Variants in RALGDS observed in about 807,000 individuals in gnomAD.
The protein encoded by RALGDS is ral guanine nucleotide dissociation stimulator.
RALGDS carries 44 observed loss-of-function variants against 99.8 expected under a neutral mutation model. That is an observed-to-expected ratio of 0.44 (90% CI 0.35 to 0.57). RALGDS has a LOEUF of 0.57. RALGDS is among the 20% of genes least tolerant of loss of function. The probability of loss-of-function intolerance (pLI) is 0.01; values close to 1 mark genes in which losing one functional copy is unlikely to be tolerated. For synonymous variants in RALGDS, 529 were observed against 505.0 expected, an observed-to-expected ratio of 1.05 and a Z score of -0.64; for missense variants, 1,022 against 1,203.1, an observed-to-expected ratio of 0.85 and a Z score of 2.23.
rs372179281 is a variant in RALGDS, at chr9:133,103,837, T to A, written c.1672-4A>T. 22 of 1,612,690 alleles carry A rather than the reference T, an allele frequency of 1.4e-5. No individual in the cohort carries two copies. The highest frequency in any genetic ancestry group is 1.6e-4 in the Middle Eastern group (1 of 6,062). ...GAACGGTGCCCTGGATGATGCCCTG[T>A]GACATTGGGGTAGGAGGATGAGCAA... On this transcript the variant is annotated splice_region_variant and splice_polypyrimidine_tract_variant and intron_variant, in intron 10 of 17. Coordinates refer to ENST00000372050, the MANE Select transcript of RALGDS (RefSeq NM_006266.4).
upstream of RALGDS, among the ~76,000 whole-genome samples, chr9:133,124,105 CACAG>C (rs1393445947): frequency 2.4e-5 from 3 of 125,224 alleles, no homozygotes; most frequent in African/African-American, 9.1e-5. Flanking sequence ...GAGATGCACA[CACAG>C]ACACACACAT....
rs952211549 is a variant in RALGDS at position 133,110,442 on chromosome 9, C to T, written c.342G>A (p.Arg114=). ...TCTCCAGCGTGCCAGCCTTCACGGT[C>T]CGCACCTTGCAAGTCTCATAAAGGT... ...ALNLYETCKV[R]TVKAGTLEKL... is the part of the protein sequence containing the mutation. The change falls in exon 3 of 18, where the codon CGG becomes CGA. Residue 114 remains arginine (R), a synonymous_variant. Transcript: ENST00000372050. 1 of 1,613,408 alleles carries T rather than the reference C, an allele frequency of 6.2e-7. No homozygotes were observed. Among genetic ancestry groups the T allele is most frequent in the Admixed American group, 1.7e-5 (1 of 59,998 alleles).
At chr9:133,109,871 T>C in intron 3 of RALGDS, 150 bp from the exon 4 acceptor site, 1 of 702,560 alleles carries the variant, frequency 1.4e-6, no homozygotes. Context: ...TATATATTTG[T>C]TCAATGAATA....
chr9:133,118,212 G>A (rs573918500), intron 1 of RALGDS, among the ~76,000 whole-genome samples: 8 of 152,356 alleles, frequency 5.3e-5, no homozygotes, highest in African/African-American at 1.9e-4. Context: ...CATGCATGCA[G>A]GGACACACAC....
In RALGDS at chr9:133,097,975, A is replaced by AG. The variant is rs1182040516; in HGVS notation, c.*611dup. On this transcript the variant is annotated 3_prime_UTR_variant, in exon 18 of 18. Transcript: ENST00000372050. ...ATGAGATTCAACATCGATGGGACTC[A>AG]GCTGGGACTGTCCTCACTCACCGGG... The AG allele has an allele frequency of 4.1e-6, 1 of 241,106 alleles. No homozygotes were observed. Among genetic ancestry groups the AG allele is most frequent in the Non-Finnish European group, 8.1e-6 (1 of 122,734 alleles). 14.9% of individuals were successfully genotyped at this position (241,106 alleles called of 1,614,324 possible).
chr9:133,106,522 C>G, intron 8 of RALGDS, 123 bp downstream of exon 8: 1 of 725,658 alleles, frequency 1.4e-6, no homozygotes, highest in Admixed American at 2.1e-5. Flanking sequence ...CTGCTGCCAA[C>G]TCAGGTCAGT....
At chr9:133,119,527 C>G (rs1439769513) in intron 1 of RALGDS, among the ~76,000 whole-genome samples, 1 of 152,180 alleles carries the variant, frequency 6.6e-6, no homozygotes, top group Non-Finnish European at 1.5e-5. Context: ...GGGCTCAGCT[C>G]TGCCTCTCCC....
chr9:133,142,529 G>A (rs1414099003), intron 1 of RALGDS, among the ~76,000 whole-genome samples: 2 of 152,072 alleles, frequency 1.3e-5, no homozygotes, highest in Non-Finnish European at 2.9e-5. Flanking sequence ...ATTCTTAGGG[G>A]GATGCCACAA....
rs1268122941 is a variant in RALGDS, at chr9:133,097,847, T to C, written c.*740A>G. ...TTCTTTTTGCTTTTTATACAAATAT[T>C]CAATCACCCCACCCCCACCCCAAAT... On this transcript the variant is annotated 3_prime_UTR_variant, in exon 18 of 18. Coordinates refer to ENST00000372050, the MANE Select transcript of RALGDS (RefSeq NM_006266.4). 4.4e-6 allele frequency: 1 copy of C among 228,828 alleles called. No individual in the cohort carries two copies. The highest frequency in any genetic ancestry group is 8.7e-6 in the Non-Finnish European group (1 of 115,184). 14.2% of individuals were successfully genotyped at this position (228,828 alleles called of 1,614,324 possible).
chr9:133,103,965 AC>A (rs1830890246), intron 10 of RALGDS, 132 bp from the exon 11 acceptor site: 20 of 904,134 alleles, frequency 2.2e-5, no homozygotes, highest in Middle Eastern at 2.7e-4. Flanking sequence ...GTCTCCCTGG[AC>A]CCCAGACTCC....
chr9:133,137,380 T>A (rs530829870), intron 1 of RALGDS, among the ~76,000 whole-genome samples: 30 of 152,332 alleles, frequency 2.0e-4, no homozygotes, highest in African/African-American at 7.0e-4. Flanking sequence ...TCTCCATAAA[T>A]GCCTAGATGA....
chr9:133,115,413 G>A (rs1049259794), intron 1 of RALGDS, among the ~76,000 whole-genome samples: 4 of 152,162 alleles, frequency 2.6e-5, no homozygotes, highest in African/African-American at 9.7e-5. Context: ...CAGAGCCTCC[G>A]TGTGCGTGAG....
In RALGDS at chr9:133,106,676, G is replaced by A. The variant is rs939829710; in HGVS notation, c.1486C>T (p.Arg496Cys). ...ACGTCTTCCCACGTCTTCTTCAGAC[G>A]GTGGATGGAGTTGCTCTGCAGGGCA... ...LSALQSNSIH[R>C]LKKTWEDVSR... The change falls in exon 8 of 18, where the codon CGT becomes TGT. Residue 496 changes from arginine to cysteine, a missense_variant. This residue lies in a region of RALGDS where 825 missense variants were observed against 994.5 expected (regional missense o/e 0.83). Coordinates refer to ENST00000372050, the MANE Select transcript of RALGDS (RefSeq NM_006266.4). 1.2e-5 allele frequency: 20 copies of A among 1,612,024 alleles called. No homozygotes were observed. The highest frequency in any genetic ancestry group is 1.5e-5 in the Non-Finnish European group (18 of 1,179,202).
upstream of RALGDS, among the ~76,000 whole-genome samples, chr9:133,131,327 G>A (rs992136642): frequency 6.6e-6 from 1 of 151,872 alleles, no homozygotes; most frequent in African/African-American, 2.4e-5. Context: ...AATGGAGCTA[G>A]AGGGTTTCAG....
At chr9:133,109,146 C>T (rs899940115) in intron 4 of RALGDS, among the ~76,000 whole-genome samples, 18 of 152,212 alleles carry the variant, frequency 1.2e-4, no homozygotes, top group Non-Finnish European at 2.6e-4. Flanking sequence ...ATCTGCAGGT[C>T]CCTGGCGGCT....
At chr9:133,133,982 C>T (rs1832385740), upstream of RALGDS, among the ~76,000 whole-genome samples, 1 of 152,238 alleles carries the variant, frequency 6.6e-6, no homozygotes, top group African/African-American at 2.4e-5. Flanking sequence ...AAGCAGATAG[C>T]AGAGGCCGAG....
intron 1 of RALGDS, among the ~76,000 whole-genome samples, chr9:133,139,295 G>A (rs552938056): frequency 8.5e-5 from 13 of 152,358 alleles, no homozygotes; most frequent in Admixed American, 2.0e-4. Context: ...CAGGGCTGCG[G>A]AGAGGGGAGG....
intron 1 of RALGDS, among the ~76,000 whole-genome samples, chr9:133,113,120 G>A (rs1190051446): frequency 6.6e-6 from 1 of 152,188 alleles, no homozygotes; most frequent in African/African-American, 2.4e-5. Flanking sequence ...GACGGAATGA[G>A]CTTGCAGCGG....
intron 1 of RALGDS, among the ~76,000 whole-genome samples, chr9:133,129,999 G>A (rs999379352): frequency 4.0e-5 from 6 of 149,012 alleles, no homozygotes; most frequent in Non-Finnish European, 5.9e-5. Flanking sequence ...TTGAGACATC[G>A]TCTCACTCTG....
Sources: gnomAD v4.1 joint callset for allele counts (sites outside exome capture counted in the v4.1 genomes callset) on GRCh38, gnomAD v4.1.1 for gene constraint, gnomAD v4.1.1 regional missense constraint, MANE v1.5 for transcripts, NCBI Gene and HGNC (gene_info 2026-07-23, HGNC 2026-07-21) for gene names.